DAP3: variants seen among roughly 807,000 people sequenced by gnomAD.
DAP3 encodes the protein death associated protein 3.
A neutral mutation model predicts 51.9 loss-of-function variants in DAP3; 28 were observed. The observed-to-expected ratio is 0.54, with a 90% confidence interval of 0.40 to 0.74. The LOEUF is 0.74. Ranked by LOEUF, DAP3 falls within the 30% of genes least tolerant of loss-of-function variation. DAP3 has a pLI of 0.00. For missense variants in DAP3, 458 were observed against 483.5 expected, an observed-to-expected ratio of 0.95 and a Z score of 0.49; for synonymous variants, 170 against 170.3, an observed-to-expected ratio of 1.00 and a Z score of 0.01.
intron 1 of DAP3, chr1:155,689,625 A>G (rs1365163478): frequency 2.8e-6 from 1 of 358,984 alleles, no homozygotes; most frequent in Non-Finnish European, 5.4e-6. Flanking sequence ...GTGAAATAAT[A>G]AGATAGGGCT....
At position 155,729,327 on chromosome 1, in the gene DAP3, T is replaced by C. The variant is rs4933; in HGVS notation, c.804T>C (p.Leu268=). Residue 268 remains leucine, a synonymous_variant, in exon 9 of 13, where the codon CTT becomes CTC. Transcript: ENST00000368336. ...LLVAVDGINA[L]WGRTTLKRED... is the part of the protein sequence containing the mutation. ...TGGCCGTGGATGGAATCAATGCTCT[T>C]TGGGGAAGAACCACTCTGAAAAGAG... 0.049 allele frequency: 79,010 copies of C among 1,614,114 alleles called. 2,315 individuals are homozygous for C. The highest frequency in any genetic ancestry group is 0.11 in the African/African-American group (8,299 of 75,020).
chr1:155,727,843 T>A, intron 7 of DAP3, 105 bp downstream of exon 7: 3 of 1,278,346 alleles, frequency 2.3e-6, no homozygotes, highest in Non-Finnish European at 2.1e-6. Flanking sequence ...TTGGAATAAC[T>A]GTATCATTTT....
chr1:155,693,121 G>A (rs555148985), intron 1 of DAP3, among the ~76,000 whole-genome samples: 2 of 141,694 alleles, frequency 1.4e-5, no homozygotes, highest in South Asian at 2.1e-4. Flanking sequence ...GAGGGAAACC[G>A]GTATCTAAAC....
intron 6 of DAP3, among the ~76,000 whole-genome samples, chr1:155,727,260 TGATATTTAATACAC>T (rs1658707620): frequency 6.6e-6 from 1 of 152,036 alleles, no homozygotes; most frequent in Non-Finnish European, 1.5e-5. Flanking sequence ...AAAGCAGAAG[TGATATTTAATACAC>T]TTGGTATGTT....
intron 5 of DAP3, 56 bp from the exon 6 acceptor site, chr1:155,725,871 T>C (rs570831725): frequency 6.5e-7 from 1 of 1,535,184 alleles, no homozygotes; most frequent in Admixed American, 1.7e-5. Flanking sequence ...GCATAACTAC[T>C]GTTCACATAC....
intron 1 of DAP3, among the ~76,000 whole-genome samples, chr1:155,693,981 AAAAG>A (rs1354576851): frequency 1.4e-5 from 2 of 141,630 alleles, no homozygotes; most frequent in Non-Finnish European, 2.9e-5. Context: ...GAAAGAAAAA[AAAAG>A]AGATACAATC....
At chr1:155,723,627 C>A (rs1658240309) in intron 4 of DAP3, among the ~76,000 whole-genome samples, 1 of 152,224 alleles carries the variant, frequency 6.6e-6, no homozygotes, top group South Asian at 2.1e-4. Context: ...CCACGCCCAG[C>A]CAACATTTGT....
chr1:155,729,377 T>G lies in DAP3; in HGVS notation c.843+11T>G. On this transcript the variant is annotated intron_variant, in intron 9 of 12. Coordinates refer to ENST00000368336, the MANE Select transcript of DAP3 (RefSeq NM_004632.4). The stretch of plus-strand genomic sequence containing the variant: ...GAAGATAAAAGCCCGGTAGGAAAAC[T>G]GGGTGTCTCTATCTTGTTTCTCTGA... 17 of 1,612,908 alleles carry G rather than the reference T, an allele frequency of 1.1e-5. No individual in the cohort carries two copies. The highest frequency in any genetic ancestry group is 1.4e-5 in the Non-Finnish European group (17 of 1,179,582).
At chr1:155,695,364 G>A (rs1043996265) in intron 1 of DAP3, among the ~76,000 whole-genome samples, 1 of 152,200 alleles carries the variant, frequency 6.6e-6, no homozygotes, top group Non-Finnish European at 1.5e-5. Context: ...GGTAGTTGCA[G>A]TACCTGGCAC....
At chr1:155,695,401 G>C (rs1654381127) in intron 1 of DAP3, among the ~76,000 whole-genome samples, 1 of 152,248 alleles carries the variant, frequency 6.6e-6, no homozygotes, top group Non-Finnish European at 1.5e-5. Flanking sequence ...CAATGTCCTT[G>C]GCCTGTTTCC....
At chr1:155,737,986 A>T (rs966622607) in intron 12 of DAP3, among the ~76,000 whole-genome samples, 171 bp from the exon 13 acceptor site, 2 of 152,204 alleles carry the variant, frequency 1.3e-5, no homozygotes, top group Non-Finnish European at 2.9e-5. Context: ...AGTAATGCAT[A>T]CAAAAGAAGA....
chr1:155,689,386 A>T, intron 1 of DAP3: 5 of 494,312 alleles, frequency 1.0e-5, no homozygotes, highest in South Asian at 7.7e-5. Flanking sequence ...CTCGAATTTC[A>T]CACCACTGTC....
At chr1:155,702,236 G>C (rs683121) in intron 1 of DAP3, among the ~76,000 whole-genome samples, 6 of 151,284 alleles carry the variant, frequency 4.0e-5, no homozygotes, top group Middle Eastern at 3.5e-3. Context: ...TTGGGAGGCC[G>C]AGGCAGGTGG....
intron 1 of DAP3, 21 bp from the exon 2 acceptor site, chr1:155,709,752 C>T: frequency 7.5e-7 from 1 of 1,331,484 alleles, no homozygotes; most frequent in East Asian, 2.6e-5. Flanking sequence ...TACCTTTTCA[C>T]TTTTTTTTTT....
chr1:155,717,436 C>G (rs1452712169), intron 3 of DAP3, among the ~76,000 whole-genome samples: 1 of 152,178 alleles, frequency 6.6e-6, no homozygotes, highest in Non-Finnish European at 1.5e-5. Context: ...TAATTTCTTA[C>G]TGGGCAAGTT....
At chr1:155,720,602 C>T (rs1026893535) in intron 3 of DAP3, among the ~76,000 whole-genome samples, 2 of 150,242 alleles carry the variant, frequency 1.3e-5, no homozygotes, top group Non-Finnish European at 3.0e-5. Flanking sequence ...GAGCCAAGAT[C>T]GCGCCATTAC....
At position 155,738,270 on chromosome 1, in the gene DAP3, A is replaced by G; in HGVS notation, c.*28A>G. On this transcript the variant is annotated 3_prime_UTR_variant, in exon 13 of 13. Coordinates refer to ENST00000368336, the MANE Select transcript of DAP3 (RefSeq NM_004632.4). Reference sequence around the variant, plus strand: ...CAAGATCACAGCATGTGAGGAAGACAGTGGACATCTGCTTTATGCTGGACC... The same window carrying G: ...CAAGATCACAGCATGTGAGGAAGACGGTGGACATCTGCTTTATGCTGGACC... 3.7e-6 allele frequency: 6 copies of G among 1,612,946 alleles called. No homozygotes were observed. The highest frequency in any genetic ancestry group is 5.1e-6 in the Non-Finnish European group (6 of 1,179,082).
intron 1 of DAP3, among the ~76,000 whole-genome samples, chr1:155,707,616 C>A (rs1656168088): frequency 6.6e-6 from 1 of 152,000 alleles, no homozygotes; most frequent in African/African-American, 2.4e-5. Context: ...ATAATAAATT[C>A]TCATGTATCC....
At chr1:155,689,769 G>C (rs1318935597) in intron 1 of DAP3, 2 of 193,048 alleles carry the variant, frequency 1.0e-5, no homozygotes, top group Non-Finnish European at 2.2e-5. Flanking sequence ...AATATTAGCC[G>C]GCCGTGGTGG....
Sources: gnomAD v4.1 joint callset for allele counts (sites outside exome capture counted in the v4.1 genomes callset) on GRCh38, gnomAD v4.1.1 for gene constraint, MANE v1.5 for transcripts, NCBI Gene and HGNC (gene_info 2026-07-23, HGNC 2026-07-21) for gene names.